Variants in DAPK3 observed in about 807,000 individuals in gnomAD.
The protein encoded by DAPK3 is death associated protein kinase 3, also known as death-associated protein kinase 3.
Under a neutral mutation model 30.6 loss-of-function variants are expected in DAPK3, and 24 were observed. The observed-to-expected ratio is 0.78, with a 90% CI of 0.57 to 1.10. The LOEUF is 1.10. DAPK3 is among the 50% of genes least tolerant of loss of function. DAPK3 has a pLI of 0.00. For synonymous variants in DAPK3, 341 were observed against 284.0 expected, an observed-to-expected ratio of 1.20 and a Z score of -2.02; for missense variants, 629 against 657.3, an observed-to-expected ratio of 0.96 and a Z score of 0.47.
At chr19:3,970,441 C>G (rs2039622020) in intron 1 of DAPK3, among the ~76,000 whole-genome samples, 1 of 152,154 alleles carries the variant, frequency 6.6e-6, no homozygotes. Context: ...CCTCCTGGTC[C>G]TTGCCCTCGG....
intron 4 of DAPK3, 38 bp from the exon 5 acceptor site, chr19:3,963,957 A>G (rs534197308): frequency 1.4e-6 from 2 of 1,397,918 alleles, no homozygotes; most frequent in East Asian, 2.3e-5. Flanking sequence ...CACTGGGGAC[A>G]TGCTGGCCAA....
In DAPK3 at chr19:3,963,684, G is replaced by A. The variant is rs200798158; in HGVS notation, c.603-15C>T. ...CACCGATGCTCCTGGGGACAGACAA[G>A]AGGCAAGGGTCAGCGCAGCGTGGGG... On this transcript the variant is annotated splice_polypyrimidine_tract_variant and intron_variant, in intron 5 of 8. Transcript: ENST00000545797. 11 of 1,534,292 alleles carry A rather than the reference G, an allele frequency of 7.2e-6. No homozygotes were observed. In the African/African-American group the frequency reaches 1.2e-4, roughly 17 times the overall value.
intron 8 of DAPK3, 64 bp from the exon 9 acceptor site, chr19:3,959,701 T>TG: frequency 6.8e-7 from 1 of 1,470,960 alleles, no homozygotes; most frequent in African/African-American, 1.4e-5. Context: ...AGCCCCCACC[T>TG]GCCAGTGTGA....
intron 2 of DAPK3, 24 bp from the exon 3 acceptor site, chr19:3,965,015 TG>T: frequency 2.9e-6 from 4 of 1,367,530 alleles, no homozygotes; most frequent in Non-Finnish European, 4.1e-6. Context: ...AGGGAGTGAG[TG>T]GGGGTGGAGG....
At chr19:3,969,984 G>T (rs1316120849) in intron 1 of DAPK3, 155 bp from the exon 2 acceptor site, 1 of 533,456 alleles carries the variant, frequency 1.9e-6, no homozygotes, top group Non-Finnish European at 3.3e-6. Context: ...TACTGGGCTG[G>T]GTCCTGTCAT....
rs769532059 is a variant in DAPK3, at chr19:3,959,232, G to A, written c.1234C>T (p.Arg412Cys). 7.5e-6 allele frequency: 12 copies of A among 1,600,042 alleles called. No individual in the cohort carries two copies. Among genetic ancestry groups the A allele is most frequent in the Admixed American group, 1.7e-5 (1 of 59,634 alleles). The change falls in exon 9 of 9, where the codon CGC becomes TGC. Residue 412 changes from arginine to cysteine, a missense_variant. Coordinates refer to ENST00000545797, the MANE Select transcript of DAPK3 (RefSeq NM_001348.3). Reference sequence around the variant, plus strand: ...TAGCGGTTCTCCAGGCGGCTGAAGCGGCGCTTGAGGCCGCTGGTCCCCAGC... The same window carrying A: ...TAGCGGTTCTCCAGGCGGCTGAAGCAGCGCTTGAGGCCGCTGGTCCCCAGC... ...ALLGTSGLKR[R>C]FSRLENRYEA... is the part of the protein sequence containing the mutation.
At position 3,959,622 on chromosome 19, in the gene DAPK3, T is replaced by TCCG; in HGVS notation, c.841_843dup (p.Arg281dup). 6.3e-7 allele frequency: 1 copy of TCCG among 1,580,848 alleles called. No homozygotes were observed. Among genetic ancestry groups the TCCG allele is most frequent in the East Asian group, 2.3e-5 (1 of 44,106 alleles). On this transcript the variant is annotated inframe_insertion, in exon 9 of 9. Transcript: ENST00000545797. Reference sequence around the variant, plus strand: ...CGGCCGCTGTCCTCACCACGCACGTTCCGCCGCCGGATCGCCTAGGAAGGA... The same window carrying TCCG: ...CGGCCGCTGTCCTCACCACGCACGTTCCGCCGCCGCCGGATCGCCTAGGAAGGA...
chr19:3,969,656 TGCGGGCAGACAGCTCACCTGCCCA>T lies in DAPK3; in HGVS notation c.56_62+17del. On this transcript the variant is annotated splice_donor_variant and splice_donor_5th_base_variant and coding_sequence_variant and intron_variant, in exon 2 of 9. Transcript: ENST00000545797. LOFTEE classifies it high-confidence loss of function. ...CTCTCCTATCCCTGGAGCCCAGCCG[TGCGGGCAGACAGCTCACCTGCCCA>T]GCTCCTCCCCCATCTCATAATGGTC... is the stretch of plus-strand genomic sequence containing the variant. The T allele has an allele frequency of 6.4e-7, 1 of 1,560,352 alleles. No homozygotes were observed. The highest frequency in any genetic ancestry group is 8.8e-7 in the Non-Finnish European group (1 of 1,132,384).
chr19:3,968,212 C>T (rs2039598344), intron 2 of DAPK3, among the ~76,000 whole-genome samples: 1 of 152,166 alleles, frequency 6.6e-6, no homozygotes, highest in Admixed American at 6.6e-5. Flanking sequence ...CTGCTGTTCC[C>T]AGCGGGGTGC....
rs1032132000 is a variant in DAPK3, at chr19:3,970,046, G to C, written c.-94-217C>G. On this transcript the variant is annotated intron_variant, in intron 1 of 8. Transcript: ENST00000545797. ...TCAAAAGTTTGGTAACAGCCCCACT[G>C]GGCCACCTTCACCCCGCAAAACTCT... The C allele has an allele frequency of 2.5e-5, 10 of 393,236 alleles. No individual in the cohort carries two copies. In the Admixed American group the frequency reaches 4.4e-4, roughly 17 times the overall value. 24.4% of individuals were successfully genotyped at this position (393,236 alleles called of 1,614,324 possible). A position where few individuals can be genotyped will look rare whatever the true frequency, so the allele number is the denominator to read the frequency against.
intron 6 of DAPK3, chr19:3,961,656 G>C (rs558100891): frequency 2.6e-6 from 1 of 389,216 alleles, no homozygotes; most frequent in African/African-American, 2.1e-5. Context: ...TCGTGACAGC[G>C]CACGAGACTA....
At chr19:3,962,529 A>G (rs2039528404) in intron 6 of DAPK3, among the ~76,000 whole-genome samples, 2 of 152,176 alleles carry the variant, frequency 1.3e-5, no homozygotes, top group African/African-American at 2.4e-5. Flanking sequence ...TCATCCCAGC[A>G]TTCTGGGAGG....
chr19:3,963,875 T>C lies in DAPK3; in HGVS notation c.598A>G (p.Met200Val). Residue 200 changes from methionine (M) to valine (V), a missense_variant, in exon 5 of 9, where the codon ATG becomes GTG. Coordinates refer to ENST00000545797, the MANE Select transcript of DAPK3 (RefSeq NM_001348.3). ...NYEPLGLEAD[M>V]WSIGVITYIL... ...GGGAGCAGGTGGTACACTCACCACA[T>C]GTCCGCCTCCAGGCCCAGCGGCTCA... 1 of 1,596,072 alleles carries C rather than the reference T, an allele frequency of 6.3e-7. No individual in the cohort carries two copies. The highest frequency in any genetic ancestry group is 8.6e-7 in the Non-Finnish European group (1 of 1,165,550).
intron 6 of DAPK3, 21 bp downstream of exon 6, chr19:3,963,622 G>A (rs774246043): frequency 7.4e-6 from 11 of 1,495,540 alleles, no homozygotes; most frequent in African/African-American, 4.3e-5. Context: ...ACAGCCGAGG[G>A]GGCCCCCGCC....
chr19:3,964,117 G>A, intron 4 of DAPK3, 127 bp downstream of exon 4: 1 of 935,182 alleles, frequency 1.1e-6, no homozygotes, highest in Admixed American at 2.4e-5. Context: ...GCAAAGCCGG[G>A]CCCAAGAGGG....
intron 5 of DAPK3, 76 bp from the exon 6 acceptor site, chr19:3,963,745 C>A: frequency 7.5e-7 from 1 of 1,339,026 alleles, no homozygotes; most frequent in Non-Finnish European, 1.0e-6. Flanking sequence ...GTCCAGCGCC[C>A]CTGTTCTAGG....
intron 7 of DAPK3, among the ~76,000 whole-genome samples, 161 bp downstream of exon 7, chr19:3,960,848 C>A (rs1267163434): frequency 1.3e-5 from 2 of 150,832 alleles, no homozygotes; most frequent in Admixed American, 1.3e-4. Context: ...CAGCTTGGGC[C>A]ACCAGTTTAT....
At chr19:3,961,648 G>A (rs572098552) in intron 6 of DAPK3, 7 of 401,370 alleles carry the variant, frequency 1.7e-5, no homozygotes, top group African/African-American at 8.4e-5. Context: ...TCGTCTGATC[G>A]TGACAGCGCA....
chr19:3,964,066 T>C, intron 4 of DAPK3, 147 bp from the exon 5 acceptor site: 1 of 810,250 alleles, frequency 1.2e-6, no homozygotes, highest in Non-Finnish European at 2.0e-6. Context: ...GCCTGACGGG[T>C]AGGACAGCGG....
Sources: allele counts gnomAD v4.1 joint callset (sites outside exome capture counted in the v4.1 genomes callset), GRCh38; gene constraint gnomAD v4.1.1; transcripts MANE v1.5; gene names NCBI Gene and HGNC (gene_info 2026-07-23, HGNC 2026-07-21).